The following TASP1 variants were observed in gnomAD, a reference collection of about 807,000 sequenced individuals.
TASP1 encodes threonine aspartase 1.
In TASP1, 16 loss-of-function variants were observed where a neutral mutation model predicts 56.6. That is an observed-to-expected ratio of 0.28 (90% CI 0.19 to 0.43). The LOEUF (loss-of-function observed/expected upper bound fraction) is 0.43, where lower values mean the gene tolerates loss of function less well. Among genes scored for constraint, TASP1 ranks in the 20% least tolerant of loss-of-function variants. The probability of loss-of-function intolerance (pLI) is 1.00; values close to 1 mark genes in which losing one functional copy is unlikely to be tolerated. For missense variants in TASP1, 393 were observed against 511.6 expected (o/e 0.77, Z 2.24); for synonymous variants, 179 against 184.2 (o/e 0.97, Z 0.23).
chr20:13,585,959 AC>A (rs2047287341), intron 5 of TASP1, among the ~76,000 whole-genome samples: 1 of 151,944 alleles, frequency 6.6e-6, no homozygotes, highest in Non-Finnish European at 1.5e-5. Context: ...ACATGGTGAA[AC>A]CCTGTTTCTA....
At chr20:13,359,425 A>G in the TASP1 span, among the ~76,000 whole-genome samples, 38 of 150,582 alleles carry the variant, frequency 2.5e-4, no homozygotes, top group South Asian at 8.5e-4. Context: ...TCGGCTTAGC[A>G]GCTGAAGACT....
intron 10 of TASP1, among the ~76,000 whole-genome samples, chr20:13,523,413 A>AC (rs996768776): frequency 6.6e-6 from 1 of 151,940 alleles, no homozygotes; most frequent in Non-Finnish European, 1.5e-5. Flanking sequence ...CTGTCACATA[A>AC]CCCCCCTCTC....
At chr20:13,393,655 A>T in intron 13 of TASP1, 1 of 1,307,002 alleles carries the variant, frequency 7.7e-7, no homozygotes. Flanking sequence ...CTCATGGCCC[A>T]CATGGCCTCC....
At chr20:13,312,104 T>C in the TASP1 span, among the ~76,000 whole-genome samples, 1 of 152,198 alleles carries the variant, frequency 6.6e-6, no homozygotes, top group East Asian at 1.9e-4. Context: ...TATCTTAAAG[T>C]GTTGATACGA....
At chr20:13,385,406 T>G (rs2041156759), downstream of TASP1, among the ~76,000 whole-genome samples, 1 of 152,212 alleles carries the variant, frequency 6.6e-6, no homozygotes, top group South Asian at 2.1e-4. Flanking sequence ...CTTCACAAAC[T>G]TTTGTGGCAT....
intron 11 of TASP1, among the ~76,000 whole-genome samples, chr20:13,442,664 C>CA (rs1463814617): frequency 1.4e-5 from 2 of 141,974 alleles, no homozygotes; most frequent in African/African-American, 3.1e-5. Flanking sequence ...AACAAACAAA[C>CA]AAAAAAACAG....
chr20:13,335,094 G>A, the TASP1 span, among the ~76,000 whole-genome samples: 222 of 152,282 alleles, frequency 1.5e-3, 2 homozygotes, highest in African/African-American at 5.0e-3. Context: ...TTTGTTGAAA[G>A]TCTACCACAG....
At chr20:13,357,514 G>A in the TASP1 span, among the ~76,000 whole-genome samples, 5 of 152,256 alleles carry the variant, frequency 3.3e-5, no homozygotes, top group Middle Eastern at 6.8e-3. Context: ...TTTTCTCTGA[G>A]ATTCTTTAAA....
chr20:13,341,654 C>G, the TASP1 span, among the ~76,000 whole-genome samples: 7 of 152,132 alleles, frequency 4.6e-5, no homozygotes, highest in Admixed American at 4.6e-4. Flanking sequence ...CTTGCATGAT[C>G]CTCAGAGTAA....
intron 5 of TASP1, among the ~76,000 whole-genome samples, chr20:13,582,183 A>C (rs1057197019): frequency 6.6e-6 from 1 of 151,830 alleles, no homozygotes; most frequent in Non-Finnish European, 1.5e-5. Flanking sequence ...AAAACAATAT[A>C]GTTCTAGATG....
intron 10 of TASP1, among the ~76,000 whole-genome samples, chr20:13,487,330 G>A (rs1259316280): frequency 6.6e-6 from 1 of 152,152 alleles, no homozygotes; most frequent in East Asian, 1.9e-4. Context: ...CCCCAACAGT[G>A]TCAGGCCCCT....
chr20:13,374,492 G>A, the TASP1 span, among the ~76,000 whole-genome samples: 1 of 152,052 alleles, frequency 6.6e-6, no homozygotes, highest in South Asian at 2.1e-4. Flanking sequence ...GGGACTACAG[G>A]CGCCCGCCAC....
At chr20:13,140,319 A>G in the TASP1 span, among the ~76,000 whole-genome samples, 120 of 152,294 alleles carry the variant, frequency 7.9e-4, no homozygotes, top group African/African-American at 2.8e-3. Context: ...CCAGTCACTC[A>G]CTCAGCTCTC....
chr20:13,187,022 A>G, the TASP1 span, among the ~76,000 whole-genome samples: 1 of 152,238 alleles, frequency 6.6e-6, no homozygotes, highest in African/African-American at 2.4e-5. Flanking sequence ...GTAAGAAGAG[A>G]GATAAAACTC....
At chr20:13,461,831 G>A (rs938686509) in intron 11 of TASP1, among the ~76,000 whole-genome samples, 5 of 152,138 alleles carry the variant, frequency 3.3e-5, no homozygotes, top group Admixed American at 1.3e-4. Flanking sequence ...AACTTCCAGA[G>A]CTAGGAAGAG....
chr20:13,263,343 C>T, the TASP1 span, among the ~76,000 whole-genome samples: 29 of 151,824 alleles, frequency 1.9e-4, no homozygotes, highest in African/African-American at 6.8e-4. Context: ...CCCCCCACCA[C>T]CCCCTGCTTC....
the TASP1 span, chr20:13,292,316 TG>T: frequency 2.0e-6 from 2 of 1,008,790 alleles, no homozygotes; most frequent in South Asian, 1.4e-5. Context: ...ATTGTTGGGG[TG>T]GGGGAGATAA....
At chr20:13,357,561 T>A in the TASP1 span, among the ~76,000 whole-genome samples, 1 of 152,172 alleles carries the variant, frequency 6.6e-6, no homozygotes, top group Non-Finnish European at 1.5e-5. Context: ...AAATGGAAGA[T>A]CAATTACTCT....
the TASP1 span, among the ~76,000 whole-genome samples, chr20:13,312,972 G>A: frequency 1.3e-5 from 2 of 152,158 alleles, no homozygotes; most frequent in African/African-American, 2.4e-5. Flanking sequence ...GCATCTGGGT[G>A]GGGTGTGGAG....
Sources: allele counts gnomAD v4.1 joint callset (sites outside exome capture counted in the v4.1 genomes callset), GRCh38; gene constraint gnomAD v4.1.1; transcripts MANE v1.5; gene names NCBI Gene and HGNC (gene_info 2026-07-23, HGNC 2026-07-21).